Variants in BEND3 observed in about 807,000 individuals in gnomAD.
BEND3 encodes the protein BEN domain-containing protein 3.
A neutral mutation model predicts 60.1 loss-of-function variants in BEND3; 13 were observed. The observed-to-expected ratio is 0.22, with a 90% CI of 0.14 to 0.34. The LOEUF is 0.34. BEND3 is among the 10% of genes least tolerant of loss of function. The pLI is 1.00. For synonymous variants in BEND3, 497 were observed against 491.5 expected (o/e 1.01, Z -0.15); for missense variants, 896 against 1,138.1 (o/e 0.79, Z 3.06).
At chr6:107,084,918 T>C (rs577512223) in intron 3 of BEND3, among the ~76,000 whole-genome samples, 13 of 152,344 alleles carry the variant, frequency 8.5e-5, no homozygotes, top group Admixed American at 1.3e-4. Context: ...AAGCCAGCAG[T>C]GGCAACCCAT....
intron 3 of BEND3, among the ~76,000 whole-genome samples, chr6:107,092,187 G>A (rs1484827524): frequency 3.3e-5 from 5 of 151,116 alleles, no homozygotes; most frequent in Non-Finnish European, 7.4e-5. Context: ...AACCCGGGAG[G>A]CGGAGCTTGC....
In BEND3 at chr6:107,086,601, A is replaced by C. The variant is rs150244685; in HGVS notation, c.240+11950T>G. 6.4e-3 allele frequency among the ~76,000 whole-genome samples: 974 copies of C among 151,946 alleles called. 15 individuals are homozygous for C. The highest frequency in any genetic ancestry group is 0.023 in the African/African-American group (934 of 41,456). ...CTGCACTCTGGCCAGAGACAGAGCAAGACTCCGTCTTAAAAAAAAGACAGA... is the reference window on the plus strand; with the variant it reads ...CTGCACTCTGGCCAGAGACAGAGCACGACTCCGTCTTAAAAAAAAGACAGA... On this transcript the variant is annotated intron_variant, in intron 3 of 3. Coordinates refer to ENST00000369042, the MANE Select transcript of BEND3 (RefSeq NM_001367314.1).
At chr6:107,092,170 T>C (rs1450882623) in intron 3 of BEND3, among the ~76,000 whole-genome samples, 5 of 151,920 alleles carry the variant, frequency 3.3e-5, no homozygotes, top group African/African-American at 9.7e-5. Flanking sequence ...GGCAGGAGAA[T>C]TGCTTGAACC....
chr6:107,094,818 CTTTT>C (rs60923094), intron 3 of BEND3, among the ~76,000 whole-genome samples: 1 of 61,982 alleles, frequency 1.6e-5, no homozygotes, highest in Non-Finnish European at 3.2e-5. Context: ...ATGTCACTGC[CTTTT>C]TTTTTTTTTT....
Position 107,069,179 on chromosome 6 carries a change from G to A in BEND3, c.2012C>T (p.Thr671Ile). The A allele has an allele frequency of 6.2e-7, 1 of 1,612,546 alleles. No individual in the cohort carries two copies. The highest frequency in any genetic ancestry group is 1.1e-5 in the South Asian group (1 of 91,040). The change falls in exon 4 of 4, where the codon ACC (threonine) becomes ATC (isoleucine). Residue 671 changes from threonine (T) to isoleucine (I), a missense_variant. Physicochemically the swap from Thr to Ile is moderately conservative, Grantham distance 89. This residue lies in a region of BEND3 where 846 missense variants were observed against 1,036.7 expected (regional missense o/e 0.82). Coordinates refer to ENST00000369042, the MANE Select transcript of BEND3 (RefSeq NM_001367314.1). ...HVPGPECRDL[T>I]SYAINPERFR... ...CCTCTCGGGGTTGATTGCATAGCTG[G>A]TCAAGTCTCTGCACTCAGGGCCCGG...
At chr6:107,099,227 A>G (rs1554236456) in intron 2 of BEND3, 22 bp downstream of exon 2, 4 of 1,587,620 alleles carry the variant, frequency 2.5e-6, no homozygotes, top group Non-Finnish European at 3.4e-6. Flanking sequence ...AACATTTTTC[A>G]AAAAGGGCAT....
intron 1 of BEND3, among the ~76,000 whole-genome samples, chr6:107,106,541 A>G (rs1775818536): frequency 6.6e-6 from 1 of 152,222 alleles, no homozygotes; most frequent in Non-Finnish European, 1.5e-5. Flanking sequence ...CCTCCAAAAA[A>G]TGGAATTCTT....
Position 107,068,474 on chromosome 6 carries a change from C to A in BEND3, c.*230G>T. ...GCTTGCTCTCCCCACACTCAGGCTG[C>A]CCCGCCGGGGCACATAGGACAGAAG... On this transcript the variant is annotated 3_prime_UTR_variant, in exon 4 of 4. Coordinates refer to ENST00000369042, the MANE Select transcript of BEND3 (RefSeq NM_001367314.1). This position sits in a 1 kb window ranked among gnomAD's most constrained non-coding sequence, Gnocchi z 5.8. The A allele has an allele frequency of 1.9e-6, 1 of 523,734 alleles. No individual in the cohort carries two copies. The allele number at this position is 523,734 out of a possible 1,614,324, so 32.4% of individuals were successfully genotyped here. A position where few individuals can be genotyped will look rare whatever the true frequency, so the allele number is the denominator to read the frequency against.
intron 3 of BEND3, among the ~76,000 whole-genome samples, chr6:107,080,574 T>C (rs548485226): frequency 1.3e-5 from 2 of 152,192 alleles, no homozygotes; most frequent in Admixed American, 6.5e-5. Context: ...ATAAAACAGA[T>C]GGATTGTTCT....
chr6:107,070,820 G>T lies in BEND3; in HGVS notation c.371C>A (p.Thr124Asn), dbSNP rs1554231936. The change falls in exon 4 of 4, where the codon ACC becomes AAC. Residue 124 changes from threonine to asparagine, a missense_variant. By Grantham distance (65) the Thr-to-Asn change is moderately conservative. Coordinates refer to ENST00000369042, the MANE Select transcript of BEND3 (RefSeq NM_001367314.1). The surrounding 1 kb of genome is among the most constrained non-coding windows in gnomAD (Gnocchi z 6.9). ...GEEEPCNDATTPSYKKPLYGI... is the reference protein window; with the variant it reads ...GEEEPCNDATNPSYKKPLYGI... ...ATACAGAGGCTTCTTGTAGGAAGGG[G>T]TGGTGGCATCGTTGCAGGGCTCCTC... 1 of 1,614,134 alleles carries T rather than the reference G, an allele frequency of 6.2e-7. No homozygotes were observed. Among genetic ancestry groups the T allele is most frequent in the Admixed American group, 1.7e-5 (1 of 60,030 alleles).
intron 1 of BEND3, chr6:107,114,211 A>G (rs543378426): frequency 2.0e-5 from 3 of 152,384 alleles, no homozygotes; most frequent in Non-Finnish European, 4.4e-5. Flanking sequence ...AGGGCAAAGC[A>G]TGCGTGGGAA....
chr6:107,071,593 A>C (rs1279416085), intron 3 of BEND3, among the ~76,000 whole-genome samples: 2 of 152,192 alleles, frequency 1.3e-5, no homozygotes, highest in Non-Finnish European at 2.9e-5. Flanking sequence ...GCCGGCCCAG[A>C]ACTTTCTGGC....
intron 3 of BEND3, among the ~76,000 whole-genome samples, chr6:107,093,943 A>C (rs1187930640): frequency 6.6e-6 from 1 of 152,254 alleles, no homozygotes; most frequent in Non-Finnish European, 1.5e-5. Flanking sequence ...AAAAGAATGA[A>C]AGGCAAGCCA....
rs1774866545 is a variant in BEND3, at chr6:107,067,939, G to A, written c.*765C>T. 2 of 152,164 alleles carry A rather than the reference G, an allele frequency of 1.3e-5. No individual in the cohort carries two copies. Among genetic ancestry groups the A allele is most frequent in the African/African-American group, 2.4e-5 (1 of 41,434 alleles). 9.4% of individuals were successfully genotyped at this position (152,164 alleles called of 1,614,324 possible). A position where few individuals can be genotyped will look rare whatever the true frequency, so the allele number is the denominator to read the frequency against. On this transcript the variant is annotated 3_prime_UTR_variant, in exon 4 of 4. Coordinates refer to ENST00000369042, the MANE Select transcript of BEND3 (RefSeq NM_001367314.1). ...GGAGACACTGCGAACGTGTTTCCAC[G>A]GCTGTCTACATTCATATCATCATCA...
At chr6:107,083,665 TA>T (rs1289995863) in intron 3 of BEND3, among the ~76,000 whole-genome samples, 90 of 146,844 alleles carry the variant, frequency 6.1e-4, no homozygotes, top group Admixed American at 1.8e-3. Context: ...TCATAGGTAT[TA>T]AAAAAAAAAA....
intron 3 of BEND3, among the ~76,000 whole-genome samples, chr6:107,097,737 C>T (rs1582664609): frequency 7.7e-6 from 1 of 129,246 alleles, no homozygotes; most frequent in East Asian, 2.5e-4. Context: ...TTGCTGTGAG[C>T]TGAGATTGCG....
chr6:107,085,500 AT>A (rs1221619866), intron 3 of BEND3, among the ~76,000 whole-genome samples: 5 of 150,556 alleles, frequency 3.3e-5, no homozygotes, highest in Admixed American at 6.6e-5. Flanking sequence ...TTTATTTTTT[AT>A]TTTTTTTTGA....
intron 3 of BEND3, among the ~76,000 whole-genome samples, chr6:107,083,008 C>T (rs1352106959): frequency 6.6e-6 from 1 of 152,192 alleles, no homozygotes; most frequent in African/African-American, 2.4e-5. Flanking sequence ...CAGAAACACT[C>T]ATACAGTCAC....
rs1554231351 is a variant in BEND3, at chr6:107,069,151, G to A, written c.2040C>T (p.Phe680=). Residue 680 remains phenylalanine (F), a synonymous_variant, in exon 4 of 4, where the codon TTC becomes TTT. Transcript: ENST00000369042. ...GTGGGGGCCCCTCAAACTCCTCCCG[G>A]AACCTCTCGGGGTTGATTGCATAGC... ...LTSYAINPER[F]REEFEGPPLP... 1 of 1,612,640 alleles carries A rather than the reference G, an allele frequency of 6.2e-7. No individual in the cohort carries two copies. Among genetic ancestry groups the A allele is most frequent in the Non-Finnish European group, 8.5e-7 (1 of 1,180,012 alleles).
Sources: allele counts gnomAD v4.1 joint callset (sites outside exome capture counted in the v4.1 genomes callset), GRCh38; gene constraint gnomAD v4.1.1; regional missense constraint gnomAD v4.1.1; non-coding constraint Gnocchi (gnomAD v3.1); transcripts MANE v1.5; gene names NCBI Gene and HGNC (gene_info 2026-07-23, HGNC 2026-07-21).